The following TRPC5 variants were observed in gnomAD, a reference collection of about 807,000 sequenced individuals.
TRPC5 encodes the protein short transient receptor potential channel 5.
A neutral mutation model predicts 56.5 loss-of-function variants in TRPC5; 9 were observed. That is an observed-to-expected ratio of 0.16 (90% CI 0.10 to 0.28). The LOEUF is 0.28. TRPC5 is among the 10% of genes least tolerant of loss of function. The pLI is 1.00. For synonymous variants in TRPC5, 282 were observed against 278.5 expected (o/e 1.01, Z -0.13); for missense variants, 469 against 748.9 (o/e 0.63, Z 4.36).
At chrX:111,817,633 AT>A (rs1220867346) in intron 7 of TRPC5, among the ~76,000 whole-genome samples, 2 of 110,366 alleles carry the variant, frequency 1.8e-5, no homozygotes, top group African/African-American at 6.6e-5. Flanking sequence ...CTCTTTTCTG[AT>A]TTTTACACCC....
At chrX:112,032,549 TC>T (rs1929614791) in intron 1 of TRPC5, among the ~76,000 whole-genome samples, 1 of 112,215 alleles carries the variant, frequency 8.9e-6, no homozygotes, top group African/African-American at 3.2e-5. Flanking sequence ...GTTGTTTCCA[TC>T]TCTTGGCTAT....
intron 1 of TRPC5, among the ~76,000 whole-genome samples, chrX:112,041,392 T>C (rs750401534): frequency 2.9e-4 from 32 of 112,265 alleles, no homozygotes; most frequent in Non-Finnish European, 5.8e-4. Flanking sequence ...AATCATAACA[T>C]CCATTGAATA....
intron 1 of TRPC5, among the ~76,000 whole-genome samples, chrX:111,966,155 C>T (rs1384855169): frequency 2.7e-5 from 3 of 111,239 alleles, no homozygotes; most frequent in African/African-American, 6.5e-5. Context: ...ATATCACCAC[C>T]GATCCCAAAG....
chrX:111,984,325 G>A (rs907929201), intron 1 of TRPC5, among the ~76,000 whole-genome samples: 3 of 111,564 alleles, frequency 2.7e-5, no homozygotes, highest in Admixed American at 1.9e-4. Flanking sequence ...CAGCAGCCTG[G>A]ATCTTATTCT....
At chrX:112,009,137 C>A (rs1034516562) in intron 1 of TRPC5, among the ~76,000 whole-genome samples, 2 of 112,012 alleles carry the variant, frequency 1.8e-5, no homozygotes, top group Non-Finnish European at 3.8e-5. Context: ...TGGACACTTG[C>A]CTAACCACGG....
At chrX:111,943,571 T>C (rs889816038) in intron 2 of TRPC5, among the ~76,000 whole-genome samples, 4 of 112,551 alleles carry the variant, frequency 3.6e-5, no homozygotes, top group Non-Finnish European at 7.5e-5. Flanking sequence ...TGAGTAATTA[T>C]GGAAGAGCCC....
At chrX:111,842,294 C>T (rs1307118524) in intron 6 of TRPC5, among the ~76,000 whole-genome samples, 1 of 105,821 alleles carries the variant, frequency 9.4e-6, no homozygotes, top group Non-Finnish European at 1.9e-5. Flanking sequence ...CCCACCACCA[C>T]ACCTGGCTGA....
At chrX:112,073,345 C>G (rs1212821764) in intron 1 of TRPC5, among the ~76,000 whole-genome samples, 1 of 111,358 alleles carries the variant, frequency 9.0e-6, no homozygotes, top group Admixed American at 9.5e-5. Flanking sequence ...TCTCAGCTCA[C>G]TGTAACCTCC....
rs756001069 is a variant in TRPC5, at chrX:112,019,440, CTTTT to C, written c.-22+62435_-22+62438del. ...ATATAAAATAACTCCCCCGGTTTTCCTTTTTTTTTTTTTGGGATGGAATCTCGCT... is the reference window on the plus strand; with the variant it reads ...ATATAAAATAACTCCCCCGGTTTTCCTTTTTTTTTGGGATGGAATCTCGCT... On this transcript the variant is annotated intron_variant, in intron 1 of 10. Transcript: ENST00000262839. 4.8e-3 allele frequency among the ~76,000 whole-genome samples: 494 copies of C among 102,375 alleles called. 2 individuals are homozygous for C. The highest frequency in any genetic ancestry group is 0.017 in the African/African-American group (478 of 28,539). 88.9% of individuals were successfully genotyped at this position (102,375 alleles called of 115,157 possible). A position where few individuals can be genotyped will look rare whatever the true frequency, so the allele number is the denominator to read the frequency against.
intron 1 of TRPC5, among the ~76,000 whole-genome samples, chrX:112,056,751 C>A (rs1188289406): frequency 8.9e-6 from 1 of 111,886 alleles, no homozygotes; most frequent in Non-Finnish European, 1.9e-5. Flanking sequence ...TAGAGAGGGG[C>A]CATTTTTACC....
At chrX:111,905,771 T>C (rs12009998) in intron 3 of TRPC5, among the ~76,000 whole-genome samples, 6,245 of 108,854 alleles carry the variant, frequency 0.057, 213 homozygotes, top group African/African-American at 0.12. Context: ...AAAAATTAGC[T>C]GGGCGTGGTG....
At chrX:111,919,625 A>G (rs1315241329) in intron 2 of TRPC5, among the ~76,000 whole-genome samples, 1 of 112,110 alleles carries the variant, frequency 8.9e-6, no homozygotes, top group Non-Finnish European at 1.9e-5. Flanking sequence ...ATACAATGGG[A>G]AAATGACAGC....
At chrX:111,821,504 T>C (rs1922029501) in intron 7 of TRPC5, among the ~76,000 whole-genome samples, 2 of 111,823 alleles carry the variant, frequency 1.8e-5, no homozygotes, top group Non-Finnish European at 3.8e-5. Flanking sequence ...CTGGGTATTC[T>C]GACCTCTGTG....
At chrX:111,878,307 AG>A (rs1324475193) in intron 3 of TRPC5, among the ~76,000 whole-genome samples, 3 of 111,011 alleles carry the variant, frequency 2.7e-5, no homozygotes, top group African/African-American at 1.0e-4. Flanking sequence ...CTGTAGAAAA[AG>A]AAAAAGAAAA....
chrX:111,834,736 G>A (rs757992071), intron 7 of TRPC5, among the ~76,000 whole-genome samples, 185 bp downstream of exon 7: 1 of 112,284 alleles, frequency 8.9e-6, no homozygotes, highest in South Asian at 3.7e-4. Context: ...ATGATGAAGA[G>A]TCTATAGACT....
intron 1 of TRPC5, among the ~76,000 whole-genome samples, chrX:111,960,171 T>G: frequency 8.9e-6 from 1 of 112,405 alleles, no homozygotes; most frequent in Non-Finnish European, 1.9e-5. Context: ...TATTGGATAG[T>G]GCCAAATGAC....
chrX:112,054,601 G>T (rs750514464), intron 1 of TRPC5, among the ~76,000 whole-genome samples: 1 of 111,170 alleles, frequency 9.0e-6, no homozygotes, highest in African/African-American at 3.3e-5. Flanking sequence ...GATTCATGGG[G>T]TGGGCGTGAG....
intron 1 of TRPC5, among the ~76,000 whole-genome samples, chrX:112,055,958 G>A (rs780035554): frequency 2.3e-4 from 25 of 110,890 alleles, no homozygotes; most frequent in African/African-American, 7.9e-4. Context: ...ACCACCAATT[G>A]AGCCTATTTC....
At chrX:111,848,468 A>G (rs1385861144) in intron 5 of TRPC5, among the ~76,000 whole-genome samples, 1 of 112,506 alleles carries the variant, frequency 8.9e-6, no homozygotes, top group Non-Finnish European at 1.9e-5. Context: ...GGAATTACTT[A>G]TTACCTTCCC....
Sources: gnomAD v4.1 joint callset for allele counts (sites outside exome capture counted in the v4.1 genomes callset) on GRCh38, gnomAD v4.1.1 for gene constraint, MANE v1.5 for transcripts, NCBI Gene and HGNC (gene_info 2026-07-23, HGNC 2026-07-21) for gene names.